NBR1: variants seen among roughly 807,000 people sequenced by gnomAD.
NBR1 encodes NBR1 autophagy cargo receptor.
NBR1 carries 59 observed loss-of-function variants against 115.5 expected under a neutral mutation model. That is an observed-to-expected ratio of 0.51 (90% confidence interval 0.41 to 0.63). NBR1 has a LOEUF of 0.63. Among genes scored for constraint, NBR1 ranks in the 30% least tolerant of loss-of-function variants. NBR1 has a pLI of 0.00. For missense variants in NBR1, 1,043 were observed against 1,150.5 expected, an observed-to-expected ratio of 0.91 and a Z score of 1.35; for synonymous variants, 373 against 414.7, an observed-to-expected ratio of 0.90 and a Z score of 1.22.
intron 20 of NBR1, among the ~76,000 whole-genome samples, chr17:43,208,859 T>A (rs1419979174): frequency 1.3e-5 from 2 of 151,974 alleles, no homozygotes. Context: ...CCCAGCTATT[T>A]GGAAGGCTGA....
At chr17:43,184,806 A>G (rs1344653108) in intron 5 of NBR1, among the ~76,000 whole-genome samples, 1 of 151,994 alleles carries the variant, frequency 6.6e-6, no homozygotes, top group East Asian at 1.9e-4. Flanking sequence ...ATAAAAACCA[A>G]TTAGACTAGG....
At chr17:43,203,644 T>G in intron 19 of NBR1, 37 bp from the exon 20 acceptor site, 1 of 1,291,708 alleles carries the variant, frequency 7.7e-7, no homozygotes, top group Non-Finnish European at 1.1e-6. Flanking sequence ...TAATGATTTG[T>G]GTTTGTTTGG....
intron 18 of NBR1, among the ~76,000 whole-genome samples, chr17:43,202,446 A>AATT (rs2057224000): frequency 6.6e-6 from 1 of 152,072 alleles, no homozygotes; most frequent in South Asian, 2.1e-4. Flanking sequence ...CTGATTCAAT[A>AATT]AACAATCATC....
chr17:43,198,923 A>T (rs778031715), intron 16 of NBR1, among the ~76,000 whole-genome samples: 1 of 152,152 alleles, frequency 6.6e-6, no homozygotes, highest in Non-Finnish European at 1.5e-5. Context: ...AGATCATGCT[A>T]CTGCACTTCA....
chr17:43,210,131 A>G lies in NBR1; in HGVS notation c.*57A>G, dbSNP rs753147817. ...GCTCAGAGATGATCTTTATTCTGTC[A>G]TTGGGGTATGGGATAGAAGCCCTTG... On this transcript the variant is annotated 3_prime_UTR_variant, in exon 21 of 21. Coordinates refer to ENST00000590996, the MANE Select transcript of NBR1 (RefSeq NM_005899.5). 6 of 1,522,770 alleles carry G rather than the reference A, an allele frequency of 3.9e-6. No individual in the cohort carries two copies. The Admixed American group carries it at 5.8e-5, about 15-fold the overall frequency. 94.3% of individuals were successfully genotyped at this position (1,522,770 alleles called of 1,614,324 possible).
rs1485679440 is a variant in NBR1 at position 43,201,591 on chromosome 17, A to G, written c.2469-95A>G. On this transcript the variant is annotated intron_variant, in intron 17 of 20. Transcript: ENST00000590996. ...TGGATCAGAAATGTGAAGCCTCTGT[A>G]GAGAATTTGGCACTGCTGTGCTGTG... 1.8e-5 allele frequency: 13 copies of G among 725,492 alleles called. No homozygotes were observed. The South Asian group carries it at 1.9e-4, about 11-fold the overall frequency. The allele number at this position is 725,492 out of a possible 1,614,324, so 44.9% of individuals were successfully genotyped here. A position where few individuals can be genotyped will look rare whatever the true frequency, so the allele number is the denominator to read the frequency against.
At chr17:43,203,586 A>C (rs1047086220) in intron 19 of NBR1, 95 bp from the exon 20 acceptor site, 39 of 716,128 alleles carry the variant, frequency 5.4e-5, no homozygotes, top group Non-Finnish European at 8.3e-5. Flanking sequence ...TTTTCTCTTA[A>C]GGAAATCTTA....
Position 43,200,314 on chromosome 17 carries a change from C to T in NBR1, c.2174C>T (p.Ser725Phe). 6 of 1,552,208 alleles carry T rather than the reference C, an allele frequency of 3.9e-6. No individual in the cohort carries two copies. The highest frequency in any genetic ancestry group is 4.4e-6 in the Non-Finnish European group (5 of 1,147,216). ...DELKDEVQSQ[S>F]SASSEDYIII... is the part of the protein sequence containing the mutation. ...CTCAAAGATGAAGTTCAAAGTCAGTCCTCTGCTTCCTCAGAGGATTACATC... is the reference window on the plus strand; with the variant it reads ...CTCAAAGATGAAGTTCAAAGTCAGTTCTCTGCTTCCTCAGAGGATTACATC... The change falls in exon 17 of 21, where the codon TCC becomes TTC. Residue 725 changes from serine (S) to phenylalanine (F), a missense_variant. Ser to Phe is a radical substitution (Grantham distance 155, BLOSUM62 -2). Transcript: ENST00000590996.
At chr17:43,203,152 CA>C (rs936549713) in intron 19 of NBR1, among the ~76,000 whole-genome samples, 239 of 137,618 alleles carry the variant, frequency 1.7e-3, no homozygotes, top group Middle Eastern at 7.4e-3. Context: ...GAAACAACAT[CA>C]AAAAAAAAAA....
chr17:43,190,046 G>A (rs1356573105), intron 8 of NBR1: 6 of 513,248 alleles, frequency 1.2e-5, no homozygotes, highest in African/African-American at 1.9e-5. Context: ...TCCCCTGAAC[G>A]GACAAAATTA....
intron 2 of NBR1, among the ~76,000 whole-genome samples, chr17:43,177,569 CAA>C (rs1449984449): frequency 4.1e-5 from 4 of 97,960 alleles, no homozygotes; most frequent in Non-Finnish European, 1.9e-5. Context: ...ACACCCCACC[CAA>C]AACACACACA....
intron 10 of NBR1, 45 bp from the exon 11 acceptor site, chr17:43,193,048 CT>C: frequency 6.3e-7 from 1 of 1,598,366 alleles, no homozygotes; most frequent in African/African-American, 1.3e-5. Context: ...ATTCAGAAGC[CT>C]TCACACCCAA....
chr17:43,193,527 G>T lies in NBR1; in HGVS notation c.1413G>T (p.Arg471=), dbSNP rs772712848. 1 of 1,613,548 alleles carries T rather than the reference G, an allele frequency of 6.2e-7. No individual in the cohort carries two copies. ...LSHKGQQFGP[R]VWCSIIVDPF... ...ACAAAGGCCAGCAATTTGGGCCTCG[G>T]GTCTGGTGCAGTATCATAGTAGATC... Residue 471 remains arginine (R), a synonymous_variant, in exon 12 of 21, where the codon CGG becomes CGT. Coordinates refer to ENST00000590996, the MANE Select transcript of NBR1 (RefSeq NM_005899.5).
intron 16 of NBR1, among the ~76,000 whole-genome samples, chr17:43,197,666 A>G (rs913721629): frequency 1.3e-5 from 2 of 152,198 alleles, no homozygotes; most frequent in Non-Finnish European, 2.9e-5. Context: ...TGCATTCCAC[A>G]GTGGAATAGC....
chr17:43,200,461 A>C lies in NBR1; in HGVS notation c.2321A>C (p.Gln774Pro). 2 of 1,613,370 alleles carry C rather than the reference A, an allele frequency of 1.2e-6. No homozygotes were observed. The highest frequency in any genetic ancestry group is 2.2e-5 in the South Asian group (2 of 90,954). The change falls in exon 17 of 21, where the codon CAG becomes CCG. Residue 774 changes from glutamine (Q) to proline (P), a missense_variant. By Grantham distance (76) the Gln-to-Pro change is moderately conservative (BLOSUM62 -1). Transcript: ENST00000590996. The part of the protein sequence containing the change: ...AEGKPGVEAG[Q>P]EPAEAGERLP... ...GGCAAGCCTGGGGTTGAGGCTGGGC[A>C]GGAACCAGCTGAGGCTGGGGAAAGA...
chr17:43,192,701 T>C (rs1249077010), intron 10 of NBR1, among the ~76,000 whole-genome samples: 1 of 152,172 alleles, frequency 6.6e-6, no homozygotes, highest in Non-Finnish European at 1.5e-5. Flanking sequence ...ACTTGTTTTG[T>C]TTCCTTCTTC....
At chr17:43,198,772 T>C (rs1023960872) in intron 16 of NBR1, among the ~76,000 whole-genome samples, 1 of 151,984 alleles carries the variant, frequency 6.6e-6, no homozygotes, top group Non-Finnish European at 1.5e-5. Context: ...CTATCCTGGC[T>C]AACACGGTGA....
chr17:43,174,372 G>A (rs1243595842), intron 1 of NBR1, among the ~76,000 whole-genome samples: 1 of 152,024 alleles, frequency 6.6e-6, no homozygotes, highest in Non-Finnish European at 1.5e-5. Context: ...CGAGGTGGGT[G>A]GAATCACGAG....
Position 43,196,494 on chromosome 17 carries a change from C to A in NBR1, c.1764C>A (p.Cys588Ter). ...TTCATTCTCCAGATGTGACTCCCTG[C>A]ATGTCTCCTCTGCCACATGACAGTC... ...PHNTPVDVTP[C>*]MSPLPHDSPL... is the part of the protein sequence containing the mutation. The change falls in exon 15 of 21, where the codon TGC (cysteine) becomes TGA (stop). Residue 588 changes from cysteine (C) to a stop codon, truncating the protein, a stop_gained. Transcript: ENST00000590996. LOFTEE classifies it high-confidence loss of function. 1 of 1,583,224 alleles carries A rather than the reference C, an allele frequency of 6.3e-7. No homozygotes were observed. The highest frequency in any genetic ancestry group is 8.6e-7 in the Non-Finnish European group (1 of 1,169,226).
Sources: allele counts gnomAD v4.1 joint callset (sites outside exome capture counted in the v4.1 genomes callset), GRCh38; gene constraint gnomAD v4.1.1; transcripts MANE v1.5; gene names NCBI Gene and HGNC (gene_info 2026-07-23, HGNC 2026-07-21).